The following PDZRN3 variants were observed in gnomAD, a reference collection of about 807,000 sequenced individuals.
The protein encoded by PDZRN3 is E3 ubiquitin-protein ligase PDZRN3.
Under a neutral mutation model 85.7 loss-of-function variants are expected in PDZRN3, and 38 were observed. The observed-to-expected ratio is 0.44, with a 90% CI of 0.34 to 0.58. The LOEUF (loss-of-function observed/expected upper bound fraction) is 0.58, where lower values mean the gene tolerates loss of function less well. Ranked by LOEUF, PDZRN3 falls within the 20% of genes least tolerant of loss-of-function variation. The pLI is 0.01. For missense variants in PDZRN3, 1,629 were observed against 1,506.4 expected, an observed-to-expected ratio of 1.08 and a Z score of -1.35; for synonymous variants, 759 against 638.0, an observed-to-expected ratio of 1.19 and a Z score of -2.86.
At chr3:73,582,173 C>A (rs554437420) in intron 3 of PDZRN3, among the ~76,000 whole-genome samples, 5 of 152,224 alleles carry the variant, frequency 3.3e-5, no homozygotes, top group Admixed American at 2.6e-4. Context: ...AAGAAGGCTA[C>A]GGAAGGCTTT....
At chr3:73,425,440 C>T (rs899093419) in intron 3 of PDZRN3, among the ~76,000 whole-genome samples, 6 of 152,078 alleles carry the variant, frequency 3.9e-5, no homozygotes, top group African/African-American at 7.2e-5. Context: ...TTTAAACATG[C>T]CCTCCTGGTG....
At chr3:73,614,269 C>T (rs1702728531) in intron 1 of PDZRN3, among the ~76,000 whole-genome samples, 2 of 152,142 alleles carry the variant, frequency 1.3e-5, no homozygotes, top group South Asian at 4.2e-4. Context: ...TTTTTTTAAG[C>T]ATCCAAGAAT....
At chr3:73,407,480 A>G (rs1701878135) in intron 3 of PDZRN3, among the ~76,000 whole-genome samples, 1 of 152,242 alleles carries the variant, frequency 6.6e-6, no homozygotes, top group African/African-American at 2.4e-5. Context: ...TGACTTGGAT[A>G]TTAACTACCT....
At chr3:73,470,121 G>A (rs1318893308) in intron 3 of PDZRN3, among the ~76,000 whole-genome samples, 1 of 151,888 alleles carries the variant, frequency 6.6e-6, no homozygotes, top group African/African-American at 2.4e-5. Context: ...TCAGCTCTGA[G>A]ATTACTAACT....
intron 3 of PDZRN3, among the ~76,000 whole-genome samples, chr3:73,462,538 G>A (rs1404052121): frequency 7.4e-5 from 6 of 81,086 alleles, no homozygotes; most frequent in Admixed American, 2.0e-4. Context: ...GTGAGACTCC[G>A]TCTCAAAAAA....
intron 4 of PDZRN3, among the ~76,000 whole-genome samples, chr3:73,403,639 T>C (rs1701797303): frequency 6.6e-6 from 1 of 152,152 alleles, no homozygotes; most frequent in Admixed American, 6.5e-5. Flanking sequence ...AAGAAATCCA[T>C]GTGGCGTGCT....
intron 3 of PDZRN3, among the ~76,000 whole-genome samples, chr3:73,521,069 G>T (rs1303999977): frequency 6.6e-6 from 1 of 152,180 alleles, no homozygotes; most frequent in Non-Finnish European, 1.5e-5. Flanking sequence ...GCATGGCAGA[G>T]CCCAGGATTT....
intron 3 of PDZRN3, among the ~76,000 whole-genome samples, chr3:73,551,187 A>T (rs1701542765): frequency 6.6e-6 from 1 of 152,296 alleles, no homozygotes; most frequent in African/African-American, 2.4e-5. Flanking sequence ...GTTGTGGCTT[A>T]TTAAGAAAAT....
intron 3 of PDZRN3, among the ~76,000 whole-genome samples, chr3:73,449,256 A>C (rs750045587): frequency 2.6e-5 from 4 of 152,074 alleles, no homozygotes; most frequent in Admixed American, 6.6e-5. Context: ...GATCCTTTAA[A>C]CTGTCAAACT....
Position 73,405,202 on chromosome 3 carries a change from G to C in PDZRN3, c.919-807C>G, listed in dbSNP as rs550684868. ...GACCTTACTAGTTTATGCTGGGTCA[G>C]AACGTTGGACGCGGTGTCCAGGATT... On this transcript the variant is annotated intron_variant, in intron 3 of 9. Coordinates refer to ENST00000263666, the MANE Select transcript of PDZRN3 (RefSeq NM_015009.3). 3.9e-5 allele frequency among the ~76,000 whole-genome samples: 6 copies of C among 152,324 alleles called. No individual in the cohort carries two copies. The South Asian group carries it at 1.2e-3, about 32-fold the overall frequency.
chr3:73,463,566 T>G (rs1460023747), intron 3 of PDZRN3, among the ~76,000 whole-genome samples: 2 of 152,190 alleles, frequency 1.3e-5, no homozygotes, highest in African/African-American at 4.8e-5. Flanking sequence ...AGGAACACTT[T>G]TACACTGTGT....
chr3:73,511,465 A>G (rs530607696), intron 3 of PDZRN3, among the ~76,000 whole-genome samples: 2 of 152,300 alleles, frequency 1.3e-5, no homozygotes, highest in South Asian at 4.1e-4. Flanking sequence ...GGGATTTCAC[A>G]TGTGGTTTTG....
intron 5 of PDZRN3, among the ~76,000 whole-genome samples, chr3:73,397,855 G>C (rs1701671611): frequency 6.6e-6 from 1 of 151,942 alleles, no homozygotes; most frequent in Non-Finnish European, 1.5e-5. Context: ...TATGGACTCA[G>C]AGTACTCTAG....
chr3:73,582,118 C>T (rs577509794), intron 3 of PDZRN3, among the ~76,000 whole-genome samples: 5 of 151,960 alleles, frequency 3.3e-5, no homozygotes, highest in Non-Finnish European at 7.4e-5. Flanking sequence ...AAAGAAAAAC[C>T]GACATCTCAT....
chr3:73,390,654 TGA>T (rs1553683085), intron 6 of PDZRN3, among the ~76,000 whole-genome samples: 72 of 140,004 alleles, frequency 5.1e-4, no homozygotes, highest in African/African-American at 1.7e-3. Context: ...TGTGTGTGTG[TGA>T]GAGAGAGAGA....
intron 3 of PDZRN3, among the ~76,000 whole-genome samples, chr3:73,439,385 G>A (rs1166265414): frequency 6.6e-6 from 1 of 152,128 alleles, no homozygotes; most frequent in East Asian, 1.9e-4. Context: ...TTGTGCCTTT[G>A]GTAGGACAGT....
At chr3:73,391,383 A>G (rs1175352735) in intron 5 of PDZRN3, among the ~76,000 whole-genome samples, 1 of 152,238 alleles carries the variant, frequency 6.6e-6, no homozygotes, top group Non-Finnish European at 1.5e-5. Context: ...TATTTCACTC[A>G]GCGTCAAGAC....
intron 3 of PDZRN3, among the ~76,000 whole-genome samples, chr3:73,602,073 G>A (rs1349978133): frequency 3.9e-5 from 6 of 152,108 alleles, no homozygotes; most frequent in Admixed American, 1.3e-4. Flanking sequence ...AACGGTTTTC[G>A]CGCGAAACTG....
chr3:73,461,251 A>C (rs1015086678), intron 3 of PDZRN3, among the ~76,000 whole-genome samples: 1 of 152,230 alleles, frequency 6.6e-6, no homozygotes, highest in Admixed American at 6.5e-5. Context: ...AATATGCCTG[A>C]AAAGAACCAT....
Sources: allele counts gnomAD v4.1 joint callset (sites outside exome capture counted in the v4.1 genomes callset), GRCh38; gene constraint gnomAD v4.1.1; transcripts MANE v1.5; gene names NCBI Gene and HGNC (gene_info 2026-07-23, HGNC 2026-07-21).